SGCZ: variants seen among roughly 807,000 people sequenced by gnomAD.
SGCZ encodes the protein zeta-sarcoglycan.
A neutral mutation model predicts 41.3 loss-of-function variants in SGCZ; 40 were observed. That is an observed-to-expected ratio of 0.97 (90% CI 0.75 to 1.26). The LOEUF (loss-of-function observed/expected upper bound fraction) is 1.26, where lower values mean the gene tolerates loss of function less well. Ranked by LOEUF, SGCZ falls within the 50% of genes most tolerant of loss-of-function variation. The pLI is 0.00. For missense variants in SGCZ, 552 were observed against 369.8 expected (o/e 1.49, Z -4.04); for synonymous variants, 206 against 137.5 (o/e 1.50, Z -3.49).
intron 1 of SGCZ, among the ~76,000 whole-genome samples, chr8:14,883,953 G>C (rs538418304): frequency 6.6e-6 from 1 of 152,030 alleles, no homozygotes; most frequent in African/African-American, 2.4e-5. Flanking sequence ...ATGATAGAAG[G>C]AGTATCTCCT....
At chr8:15,055,751 C>A (rs975806685) in intron 1 of SGCZ, among the ~76,000 whole-genome samples, 1 of 152,126 alleles carries the variant, frequency 6.6e-6, no homozygotes, top group East Asian at 1.9e-4. Flanking sequence ...TCTATCACAT[C>A]CTTGAGATGC....
At chr8:15,076,158 G>T (rs1805522788) in intron 1 of SGCZ, among the ~76,000 whole-genome samples, 1 of 152,110 alleles carries the variant, frequency 6.6e-6, no homozygotes, top group African/African-American at 2.4e-5. Context: ...TGAAGATATT[G>T]TGAGCCATTT....
At chr8:14,873,364 C>T (rs1804235863) in intron 1 of SGCZ, among the ~76,000 whole-genome samples, 1 of 152,054 alleles carries the variant, frequency 6.6e-6, no homozygotes, top group Admixed American at 6.6e-5. Context: ...TTTTATAATA[C>T]ATGCCTTCAA....
intron 5 of SGCZ, among the ~76,000 whole-genome samples, chr8:14,151,164 A>G (rs1380880541): frequency 1.3e-5 from 2 of 152,156 alleles, no homozygotes; most frequent in Non-Finnish European, 2.9e-5. Context: ...TTTAAAATGT[A>G]TCTTAAAGAG....
At chr8:14,791,576 C>A in intron 1 of SGCZ, among the ~76,000 whole-genome samples, 1 of 152,156 alleles carries the variant, frequency 6.6e-6, no homozygotes, top group East Asian at 1.9e-4. Context: ...CATCAGTCAC[C>A]CACTCCCAAA....
chr8:14,775,002 C>G (rs1800357415), intron 1 of SGCZ, among the ~76,000 whole-genome samples: 1 of 151,970 alleles, frequency 6.6e-6, no homozygotes, highest in Non-Finnish European at 1.5e-5. Context: ...GAAAAAAATG[C>G]TTGTATGGAA....
intron 1 of SGCZ, among the ~76,000 whole-genome samples, chr8:14,796,496 T>C (rs1801136372): frequency 6.6e-6 from 1 of 152,198 alleles, no homozygotes; most frequent in African/African-American, 2.4e-5. Context: ...TGAACACTTT[T>C]GAAACATTAA....
At chr8:14,739,552 C>G (rs1177079266) in intron 1 of SGCZ, among the ~76,000 whole-genome samples, 2 of 152,002 alleles carry the variant, frequency 1.3e-5, no homozygotes, top group African/African-American at 4.8e-5. Flanking sequence ...CCACAAAACT[C>G]TAAAGCAAAA....
intron 1 of SGCZ, among the ~76,000 whole-genome samples, chr8:15,134,000 A>G (rs1808014119): frequency 6.6e-6 from 1 of 152,180 alleles, no homozygotes; most frequent in African/African-American, 2.4e-5. Context: ...TATTAACTCT[A>G]TTAATATTAA....
chr8:14,421,391 G>C (rs1263696032), intron 2 of SGCZ, among the ~76,000 whole-genome samples: 1 of 152,006 alleles, frequency 6.6e-6, no homozygotes, highest in African/African-American at 2.4e-5. Context: ...CACTGTTTTT[G>C]TAAAATGCAT....
intron 2 of SGCZ, among the ~76,000 whole-genome samples, chr8:14,403,398 C>A (rs1181107246): frequency 6.6e-6 from 1 of 151,408 alleles, no homozygotes; most frequent in Non-Finnish European, 1.5e-5. Context: ...CCAGTTTTTG[C>A]CCATTCAGTA....
At position 14,731,951 on chromosome 8, in the gene SGCZ, C is replaced by T. The variant is rs192074427; in HGVS notation, c.40-177025G>A. The stretch of plus-strand genomic sequence containing the variant: ...ATATCTATCACAAGACTCTTCCAGT[C>T]GATACCATTAATGTGAAATATGACA... On this transcript the variant is annotated intron_variant, in intron 1 of 7. Coordinates refer to ENST00000382080, the MANE Select transcript of SGCZ (RefSeq NM_139167.4). 2.1e-3 allele frequency among the ~76,000 whole-genome samples: 324 copies of T among 152,194 alleles called. 3 individuals are homozygous for T. Among genetic ancestry groups the T allele is most frequent in the African/African-American group, 7.6e-3 (315 of 41,540 alleles).
At chr8:14,102,818 G>A (rs2116985018) in intron 6 of SGCZ, among the ~76,000 whole-genome samples, 1 of 152,196 alleles carries the variant, frequency 6.6e-6, no homozygotes, top group African/African-American at 2.4e-5. Flanking sequence ...AGTAGGGTGT[G>A]ATAAGTATAC....
chr8:14,217,348 C>A (rs573263603), intron 4 of SGCZ, among the ~76,000 whole-genome samples: 1 of 149,008 alleles, frequency 6.7e-6, no homozygotes, highest in Admixed American at 6.7e-5. Flanking sequence ...CACCCACACG[C>A]ACACATACAA....
chr8:14,223,604 A>G (rs756894042), intron 4 of SGCZ, among the ~76,000 whole-genome samples: 2 of 152,144 alleles, frequency 1.3e-5, no homozygotes, highest in Non-Finnish European at 2.9e-5. Context: ...TAAAACTTCA[A>G]TGTCCTGTCA....
chr8:14,752,510 T>C (rs762872539), intron 1 of SGCZ, among the ~76,000 whole-genome samples: 21 of 152,210 alleles, frequency 1.4e-4, no homozygotes, highest in Non-Finnish European at 1.5e-4. Context: ...ATTGTAATAA[T>C]TGGTTTATTC....
chr8:14,198,332 T>C (rs1341719150), intron 4 of SGCZ, among the ~76,000 whole-genome samples: 2 of 152,172 alleles, frequency 1.3e-5, no homozygotes, highest in Admixed American at 1.3e-4. Flanking sequence ...TACTCCATGA[T>C]AGACCCAAAG....
At chr8:14,543,095 A>C (rs938635659) in intron 2 of SGCZ, among the ~76,000 whole-genome samples, 1 of 151,850 alleles carries the variant, frequency 6.6e-6, no homozygotes, top group Non-Finnish European at 1.5e-5. Flanking sequence ...TTTATTTAGG[A>C]ACATTGGCAC....
At chr8:14,410,832 T>A (rs1243393792) in intron 2 of SGCZ, among the ~76,000 whole-genome samples, 2 of 152,140 alleles carry the variant, frequency 1.3e-5, no homozygotes, top group African/African-American at 4.8e-5. Context: ...TAATTAAGCT[T>A]TCATTTCAAC....
Sources: allele counts gnomAD v4.1 joint callset (sites outside exome capture counted in the v4.1 genomes callset), GRCh38; gene constraint gnomAD v4.1.1; transcripts MANE v1.5; gene names NCBI Gene and HGNC (gene_info 2026-07-23, HGNC 2026-07-21).